The following PHF19 variants were observed in gnomAD, a reference collection of about 807,000 sequenced individuals.
PHF19 encodes polycomb like 3.
PHF19 carries 21 observed loss-of-function variants against 79.8 expected under a neutral mutation model. The ratio of observed to expected loss-of-function variants is 0.26; its 90% CI spans 0.19 to 0.38. The LOEUF (loss-of-function observed/expected upper bound fraction) is 0.38. Among genes scored for constraint, PHF19 ranks in the 10% least tolerant of loss-of-function variants. PHF19 has a pLI of 1.00. For missense variants in PHF19, 445 were observed against 744.2 expected, an observed-to-expected ratio of 0.60 and a Z score of 4.68; for synonymous variants, 273 against 296.3, an observed-to-expected ratio of 0.92 and a Z score of 0.81.
At chr9:120,879,281 T>TGAGACACACAGGTGGATGG (rs1168247120), upstream of PHF19, among the ~76,000 whole-genome samples, 1 of 152,154 alleles carries the variant, frequency 6.6e-6, no homozygotes, top group East Asian at 1.9e-4. Flanking sequence ...CGGGGGGATG[T>TGAGACACACAGGTGGATGG]GAGACACACA....
intron 1 of PHF19, among the ~76,000 whole-genome samples, chr9:120,885,393 C>T (rs1332455432): frequency 1.3e-5 from 2 of 152,098 alleles, no homozygotes; most frequent in African/African-American, 4.8e-5. Context: ...GCCTGGCCAA[C>T]ATGGTGAAAC....
At chr9:120,877,426 C>A, upstream of PHF19, 1 of 884,236 alleles carries the variant, frequency 1.1e-6, no homozygotes, top group Non-Finnish European at 1.4e-6. Flanking sequence ...TCCGCAGCGC[C>A]GCCAGCCCCC....
At chr9:120,880,549 A>G (rs987650787), upstream of PHF19, among the ~76,000 whole-genome samples, 13 of 152,224 alleles carry the variant, frequency 8.5e-5, no homozygotes, top group Non-Finnish European at 1.5e-4. Flanking sequence ...ACAATGGAAT[A>G]ATATACTGGG....
At chr9:120,894,721 CCCG>C in intron 1 of PHF19, 1 of 829,596 alleles carries the variant, frequency 1.2e-6, no homozygotes, top group South Asian at 6.0e-5. Context: ...CGCGGGCCCA[CCCG>C]GCCGCCCGCG....
At position 120,870,362 on chromosome 9, in the gene PHF19, G is replaced by T; in HGVS notation, c.364+81C>A. 1 of 855,308 alleles carries T rather than the reference G, an allele frequency of 1.2e-6. No individual in the cohort carries two copies. Among genetic ancestry groups the T allele is most frequent in the Non-Finnish European group, 2.0e-6 (1 of 509,816 alleles). 53.0% of individuals were successfully genotyped at this position (855,308 alleles called of 1,614,324 possible). On this transcript the variant is annotated intron_variant, in intron 4 of 14. Coordinates refer to ENST00000373896, the MANE Select transcript of PHF19 (RefSeq NM_015651.3). The surrounding 1 kb of genome is among the most constrained non-coding windows in gnomAD (Gnocchi z 4.4). Reference sequence around the variant, plus strand: ...AGGAAGCCAGCTGAGGCCCCAACAGGCTGCAGCAGTACCCGTCAGGGGCCA... The same window carrying T: ...AGGAAGCCAGCTGAGGCCCCAACAGTCTGCAGCAGTACCCGTCAGGGGCCA...
chr9:120,887,105 T>G (rs2131592185), intron 1 of PHF19, among the ~76,000 whole-genome samples: 1 of 132,798 alleles, frequency 7.5e-6, no homozygotes, highest in Admixed American at 7.6e-5. Context: ...AAAAAGAAAA[T>G]TACCCTCGAT....
chr9:120,872,118 C>CA, intron 3 of PHF19, among the ~76,000 whole-genome samples: 1 of 145,350 alleles, frequency 6.9e-6, no homozygotes, highest in Non-Finnish European at 1.5e-5. Context: ...TAGAGTGTGG[C>CA]ATGTAACAGG....
At chr9:120,876,937 C>T (rs941247667) in intron 1 of PHF19, 154 bp downstream of exon 1, 76 of 981,156 alleles carry the variant, frequency 7.7e-5, no homozygotes, top group Non-Finnish European at 9.0e-5. Context: ...TAACCTGCAC[C>T]CCCGGTCCCC....
chr9:120,863,987 A>G, intron 10 of PHF19, 62 bp downstream of exon 10: 2 of 1,307,012 alleles, frequency 1.5e-6, no homozygotes, highest in Non-Finnish European at 1.1e-6. Context: ...AAAGGCTATG[A>G]GGTAGGAAGG....
rs143319914 is a variant in PHF19 at position 120,886,449 on chromosome 9, A to G, written c.42+8339T>C. ...AGACAGAAAGTGGGTGGGGGGAAGCATTCCAAGGAACAGACCTCTGCAGCA... is the reference window on the plus strand; with the variant it reads ...AGACAGAAAGTGGGTGGGGGGAAGCGTTCCAAGGAACAGACCTCTGCAGCA... On this transcript the variant is annotated intron_variant, in intron 1 of 14. Coordinates refer to the PHF19 transcript ENST00000616568. 8.3e-3 allele frequency among the ~76,000 whole-genome samples: 1,260 copies of G among 152,380 alleles called. 19 individuals carry two copies. Among genetic ancestry groups the G allele is most frequent in the African/African-American group, 0.028 (1,152 of 41,588 alleles).
At chr9:120,863,704 G>A (rs913511381) in intron 10 of PHF19, among the ~76,000 whole-genome samples, 1 of 152,176 alleles carries the variant, frequency 6.6e-6, no homozygotes, top group Admixed American at 6.5e-5. Context: ...GGGGCTGAGG[G>A]ATGTCTTCCA....
At chr9:120,872,037 CAAAAAAAAAAAAAAAA>C (rs1170243737) in intron 3 of PHF19, among the ~76,000 whole-genome samples, 15 of 30,326 alleles carry the variant, frequency 4.9e-4, no homozygotes, top group Admixed American at 1.2e-3. Flanking sequence ...GACTCTGTCT[CAAAAAAAAAAAAAAAA>C]AAAAAAAAAA....
intron 1 of PHF19, among the ~76,000 whole-genome samples, chr9:120,884,058 C>T (rs2046228939): frequency 6.6e-6 from 1 of 152,196 alleles, no homozygotes; most frequent in South Asian, 2.1e-4. Context: ...AAATGAGTTG[C>T]TCCCAGTCAT....
chr9:120,902,038 A>G, the PHF19 span, among the ~76,000 whole-genome samples: 4 of 152,268 alleles, frequency 2.6e-5, no homozygotes, highest in East Asian at 7.7e-4. Context: ...TCTGGTATAC[A>G]CAGTGCAGAC....
At chr9:120,880,443 G>A (rs115263489), upstream of PHF19, among the ~76,000 whole-genome samples, 1,213 of 152,274 alleles carry the variant, frequency 8.0e-3, 22 homozygotes, top group African/African-American at 0.028. Flanking sequence ...TGCATTGAGC[G>A]AAATCGTGCC....
intron 1 of PHF19, among the ~76,000 whole-genome samples, chr9:120,889,229 CA>C (rs1163685072): frequency 1.3e-5 from 2 of 152,088 alleles, no homozygotes; most frequent in Non-Finnish European, 2.9e-5. Context: ...AGTTTGAGAC[CA>C]GCCTTGCCAA....
intron 1 of PHF19, among the ~76,000 whole-genome samples, chr9:120,887,980 C>A (rs954059264): frequency 6.6e-6 from 1 of 151,764 alleles, no homozygotes; most frequent in African/African-American, 2.4e-5. Flanking sequence ...CTCTTGATTC[C>A]TTGTCCTCTT....
At chr9:120,890,847 T>G (rs563170812) in intron 1 of PHF19, among the ~76,000 whole-genome samples, 1 of 152,266 alleles carries the variant, frequency 6.6e-6, no homozygotes, top group African/African-American at 2.4e-5. Context: ...CTCCAGAGGG[T>G]CTGCCTAACT....
chr9:120,872,962 G>A (rs757993617), intron 3 of PHF19, among the ~76,000 whole-genome samples: 1 of 152,092 alleles, frequency 6.6e-6, no homozygotes, highest in African/African-American at 2.4e-5. Flanking sequence ...AAAACCAATA[G>A]TACTGAGCTA....
Sources: gnomAD v4.1 joint callset for allele counts (sites outside exome capture counted in the v4.1 genomes callset) on GRCh38, gnomAD v4.1.1 for gene constraint, Gnocchi (gnomAD v3.1) non-coding constraint, MANE v1.5 for transcripts, NCBI Gene and HGNC (gene_info 2026-07-23, HGNC 2026-07-21) for gene names.